Variants in GARNL3 observed in about 807,000 individuals in gnomAD.
The protein encoded by GARNL3 is GTPase-activating Rap/Ran-GAP domain-like protein 3.
Under a neutral mutation model 125.0 loss-of-function variants are expected in GARNL3, and 63 were observed. The observed-to-expected ratio is 0.50, with a 90% CI of 0.41 to 0.62. GARNL3 has a LOEUF of 0.62. Among genes scored for constraint, GARNL3 ranks in the 20% least tolerant of loss-of-function variants. The pLI, the probability that GARNL3 is intolerant of heterozygous loss-of-function variation, is 0.00. For synonymous variants in GARNL3, 439 were observed against 457.5 expected (o/e 0.96, Z 0.52); for missense variants, 994 against 1,244.0 (o/e 0.80, Z 3.02).
chr9:127,290,012 C>T (rs1191017617), intron 1 of GARNL3, among the ~76,000 whole-genome samples: 1 of 152,206 alleles, frequency 6.6e-6, no homozygotes, highest in African/African-American at 2.4e-5. Context: ...CCTCTGTTCA[C>T]ATCCCAGCTC....
Position 127,266,443 on chromosome 9 carries a change from G to C in GARNL3, c.144+1422G>C, listed in dbSNP as rs1425565555. 6.6e-6 allele frequency among the ~76,000 whole-genome samples: 1 copy of C among 152,222 alleles called. No individual in the cohort carries two copies. The highest frequency in any genetic ancestry group is 6.5e-5 in the Admixed American group (1 of 15,286). The stretch of plus-strand genomic sequence containing the variant: ...GTAATTACAAAGCAAGCAAGCTTTG[G>C]AATCAGGTAGGCCTGGGTTCCCATA... On this transcript the variant is annotated intron_variant, in intron 1 of 27. Transcript: ENST00000373387. This position sits in a 1 kb window ranked among gnomAD's most constrained non-coding sequence, Gnocchi z 4.0.
chr9:127,259,390 C>T (rs17377812), upstream of GARNL3, among the ~76,000 whole-genome samples: 4,375 of 152,290 alleles, frequency 0.029, 96 homozygotes, highest in Non-Finnish European at 0.042. Flanking sequence ...AGAGCCTGGA[C>T]CACGTTGCCT....
chr9:127,343,303 C>A (rs1242384987), intron 14 of GARNL3, among the ~76,000 whole-genome samples: 1 of 152,128 alleles, frequency 6.6e-6, no homozygotes, highest in African/African-American at 2.4e-5. Context: ...AAAGAGCAAA[C>A]CTCAATTGGT....
At position 127,384,781 on chromosome 9, in the gene GARNL3, G is replaced by T. The variant is rs559922827; in HGVS notation, c.2270-246G>T. ...CAGTGGGGTTTCCATGGGGGAAAAT[G>T]GCAGCAAGCATGGTGACAGTGCACA... On this transcript the variant is annotated intron_variant, in intron 23 of 27. Transcript: ENST00000373387. This position sits in a 1 kb window ranked among gnomAD's most constrained non-coding sequence, Gnocchi z 4.0. Among the ~76,000 whole-genome samples the T allele has an allele frequency of 6.6e-6, 1 of 152,216 alleles. No homozygotes were observed. The highest frequency in any genetic ancestry group is 3.2e-3 in the Middle Eastern group (1 of 316).
chr9:127,238,268 C>T (rs12344134), intron 1 of GARNL3, among the ~76,000 whole-genome samples: 25,094 of 152,040 alleles, frequency 0.17, 6,372 homozygotes, highest in African/African-American at 0.55. Flanking sequence ...TCTTTGAGAC[C>T]TCTTAATTAG....
At chr9:127,318,282 C>T (rs62578839) in intron 5 of GARNL3, among the ~76,000 whole-genome samples, 155 bp downstream of exon 5, 20,253 of 152,154 alleles carry the variant, frequency 0.13, 1,740 homozygotes, top group East Asian at 0.21. Context: ...TGCATCACCT[C>T]GTGTCATCAT....
chr9:127,297,347 C>G (rs1324837602), intron 2 of GARNL3, among the ~76,000 whole-genome samples: 1 of 152,198 alleles, frequency 6.6e-6, no homozygotes, highest in African/African-American at 2.4e-5. Flanking sequence ...CCATGTTGCC[C>G]AGGCTGATCT....
chr9:127,341,119 C>A (rs138717398), intron 13 of GARNL3, among the ~76,000 whole-genome samples: 1 of 152,214 alleles, frequency 6.6e-6, no homozygotes, highest in African/African-American at 2.4e-5. Flanking sequence ...AGCGTTGTTA[C>A]CTCCCATACT....
chr9:127,339,311 A>G (rs1588887108), intron 12 of GARNL3, among the ~76,000 whole-genome samples: 2 of 151,642 alleles, frequency 1.3e-5, no homozygotes, highest in South Asian at 4.2e-4. Flanking sequence ...AAAAAAAAAA[A>G]GAGGTTTAAT....
intron 2 of GARNL3, among the ~76,000 whole-genome samples, chr9:127,305,794 C>T (rs1442946595): frequency 4.6e-5 from 7 of 152,118 alleles, no homozygotes; most frequent in South Asian, 4.2e-4. Context: ...AAGACAGGAT[C>T]TAACTATGTT....
chr9:127,365,181 A>G, intron 21 of GARNL3, 119 bp from the exon 22 acceptor site: 1 of 781,514 alleles, frequency 1.3e-6, no homozygotes. Flanking sequence ...GGCAGACATG[A>G]CCCTATGGCA....
At chr9:127,353,719 C>G in intron 17 of GARNL3, 127 bp from the exon 18 acceptor site, 1 of 750,104 alleles carries the variant, frequency 1.3e-6, no homozygotes, top group South Asian at 1.4e-5. Flanking sequence ...TTATGAAAGC[C>G]CTAGAAGCTG....
In GARNL3 at chr9:127,242,120, A is replaced by G. The variant is rs188535935; in HGVS notation, c.-28-959A>G. Among the ~76,000 whole-genome samples the G allele has an allele frequency of 2.6e-3, 398 of 152,268 alleles. 1 individual carries two copies. The highest frequency in any genetic ancestry group is 4.9e-3 in the Non-Finnish European group (336 of 68,016). On this transcript the variant is annotated intron_variant, in intron 1 of 10. Transcript: ENST00000439286. The surrounding 1 kb of genome is among the most constrained non-coding windows in gnomAD (Gnocchi z 4.6). ...CTCACAGCACTCCCTTCTCATGCAT[A>G]AAATCTTTCTGAGCCATTAGGCCTT...
At chr9:127,390,559 CA>C in intron 26 of GARNL3, 81 bp from the exon 27 acceptor site, 4 of 1,345,388 alleles carry the variant, frequency 3.0e-6, no homozygotes, top group Non-Finnish European at 4.1e-6. Context: ...CACCAGTTCC[CA>C]ACCAAGAAAA....
intron 22 of GARNL3, among the ~76,000 whole-genome samples, chr9:127,368,432 G>A (rs1042262647): frequency 9.9e-5 from 15 of 150,844 alleles, no homozygotes; most frequent in Admixed American, 4.6e-4. Context: ...CCAAGTTCAA[G>A]CAATTCTCCC....
intron 17 of GARNL3, chr9:127,353,637 C>G: frequency 7.1e-6 from 4 of 561,740 alleles, no homozygotes; most frequent in Non-Finnish European, 6.4e-6. Flanking sequence ...ATAGAATTGC[C>G]TATGGGAAGA....
Position 127,344,323 on chromosome 9 carries a change from T to A in GARNL3, c.1340T>A (p.Phe447Tyr). ...AAAGAGGAGGCCCGCCAGGCGGAGT[T>A]TGTTAGAATAGGGCAGGTGGGTTTT... is the stretch of plus-strand genomic sequence containing the variant. ...RKKEEARQAEFVRIGQALKLK... is the reference protein window; with the variant it reads ...RKKEEARQAEYVRIGQALKLK... Residue 447 changes from phenylalanine (F) to tyrosine (Y), a missense_variant, in exon 15 of 28, where the codon TTT becomes TAT. Phe to Tyr is a conservative substitution (Grantham distance 22, BLOSUM62 3). Around this residue, in one of 5 missense-constraint regions of GARNL3, gnomAD observed 728 missense variants for 865.7 expected, o/e 0.84. Coordinates refer to ENST00000373387, the MANE Select transcript of GARNL3 (RefSeq NM_032293.5). The A allele has an allele frequency of 6.2e-7, 1 of 1,613,258 alleles. No individual in the cohort carries two copies. Among genetic ancestry groups the A allele is most frequent in the Non-Finnish European group, 8.5e-7 (1 of 1,179,190 alleles).
chr9:127,300,816 C>A, intron 2 of GARNL3: 1 of 376,782 alleles, frequency 2.7e-6, no homozygotes, highest in Non-Finnish European at 5.1e-6. Flanking sequence ...CTTCTCTAAC[C>A]ATTATCTACA....
chr9:127,246,698 G>A (rs761390971), intron 2 of GARNL3, among the ~76,000 whole-genome samples: 31 of 152,096 alleles, frequency 2.0e-4, no homozygotes, highest in Non-Finnish European at 4.0e-4. Context: ...TCCCAGCTAC[G>A]TGGGAGGCTG....
Sources: gnomAD v4.1 joint callset for allele counts (sites outside exome capture counted in the v4.1 genomes callset) on GRCh38, gnomAD v4.1.1 for gene constraint, gnomAD v4.1.1 regional missense constraint, Gnocchi (gnomAD v3.1) non-coding constraint, MANE v1.5 for transcripts, NCBI Gene and HGNC (gene_info 2026-07-23, HGNC 2026-07-21) for gene names.